The following ARHGEF12 variants were observed in gnomAD, a reference collection of about 807,000 sequenced individuals.
ARHGEF12 encodes the protein KMT2A/ARHGEF12 fusion protein.
A neutral mutation model predicts 211.2 loss-of-function variants in ARHGEF12; 66 were observed. That is an observed-to-expected ratio of 0.31 (90% CI 0.26 to 0.38). The LOEUF is 0.38. ARHGEF12 is among the 10% of genes least tolerant of loss of function. The pLI, the probability that ARHGEF12 is intolerant of heterozygous loss-of-function variation, is 1.00. For missense variants in ARHGEF12, 1,429 were observed against 1,869.5 expected, an observed-to-expected ratio of 0.76 and a Z score of 4.34; for synonymous variants, 592 against 638.4, an observed-to-expected ratio of 0.93 and a Z score of 1.09.
chr11:120,438,761 C>T (rs542244699), intron 12 of ARHGEF12: 9 of 152,258 alleles, frequency 5.9e-5, no homozygotes, highest in African/African-American at 1.7e-4. Context: ...CTATTTCTTC[C>T]AAAATTTTTA....
At chr11:120,409,478 G>A (rs1944817618) in intron 4 of ARHGEF12, 28 bp downstream of exon 4, 2 of 1,607,868 alleles carry the variant, frequency 1.2e-6, no homozygotes, top group Non-Finnish European at 1.7e-6. Context: ...ATTCAGCCTT[G>A]CCCTTTGGAG....
intron 1 of ARHGEF12, among the ~76,000 whole-genome samples, chr11:120,384,815 T>C (rs535163539): frequency 1.3e-5 from 2 of 152,252 alleles, no homozygotes; most frequent in Admixed American, 1.3e-4. Context: ...AATCTGTTTC[T>C]CCTCTACTCC....
intron 27 of ARHGEF12, chr11:120,463,805 G>T (rs1314943336): frequency 6.6e-6 from 1 of 152,074 alleles, no homozygotes; most frequent in African/African-American, 2.4e-5. Flanking sequence ...CTACAGGCGG[G>T]CTTTTTACAA....
At chr11:120,458,304 G>C in intron 25 of ARHGEF12, 70 bp downstream of exon 25, 1 of 1,570,952 alleles carries the variant, frequency 6.4e-7, no homozygotes, top group East Asian at 2.3e-5. Flanking sequence ...AAGTCTCTCA[G>C]CCTTGGAGTT....
intron 36 of ARHGEF12, 138 bp from the exon 37 acceptor site, chr11:120,478,018 G>C: frequency 1.6e-6 from 1 of 641,028 alleles, no homozygotes. Flanking sequence ...TGTTCTAAGT[G>C]ATGTGTATTT....
intron 3 of ARHGEF12, chr11:120,408,642 A>G (rs1460979196): frequency 6.6e-6 from 1 of 152,094 alleles, no homozygotes; most frequent in African/African-American, 2.4e-5. Flanking sequence ...ACTTAGAAAT[A>G]TAATTTTAAA....
In ARHGEF12 at chr11:120,446,993, T is replaced by A. The variant is rs1302579265; in HGVS notation, c.1497T>A (p.Thr499=). The A allele has an allele frequency of 1.2e-6, 2 of 1,614,066 alleles. No homozygotes were observed. Among genetic ancestry groups the A allele is most frequent in the African/African-American group, 1.3e-5 (1 of 74,934 alleles). The change falls in exon 18 of 41, where the codon ACT becomes ACA. Residue 499 remains threonine (T), a synonymous_variant. Coordinates refer to ENST00000397843, the MANE Select transcript of ARHGEF12 (RefSeq NM_015313.3). ...TGACCTTGGCTGAAAGCGAGCTGACTAAACTTGATGCAGAGCGAGACAAGG... is the reference window on the plus strand; with the variant it reads ...TGACCTTGGCTGAAAGCGAGCTGACAAAACTTGATGCAGAGCGAGACAAGG... The part of the protein sequence containing the change: ...MGLTLAESEL[T]KLDAERDKDR...
intron 32 of ARHGEF12, 96 bp from the exon 33 acceptor site, chr11:120,475,244 A>T: frequency 8.4e-7 from 1 of 1,187,686 alleles, no homozygotes; most frequent in Non-Finnish European, 1.2e-6. Flanking sequence ...TTGTAGCTTT[A>T]ACAGAAATAG....
chr11:120,477,604 C>T, intron 36 of ARHGEF12, 78 bp downstream of exon 36: 3 of 1,368,526 alleles, frequency 2.2e-6, no homozygotes, highest in Admixed American at 3.7e-5. Flanking sequence ...GTGGCTCATG[C>T]CTGTAATCCC....
intron 11 of ARHGEF12, among the ~76,000 whole-genome samples, chr11:120,436,037 T>G (rs1239599277): frequency 6.6e-6 from 1 of 152,246 alleles, no homozygotes; most frequent in Non-Finnish European, 1.5e-5. Flanking sequence ...CTCTTGATTC[T>G]TTTCAGAAGA....
intron 6 of ARHGEF12, among the ~76,000 whole-genome samples, chr11:120,423,578 C>T (rs1416088319): frequency 2.6e-5 from 4 of 151,164 alleles, no homozygotes; most frequent in Non-Finnish European, 4.4e-5. Flanking sequence ...AGATAGCTGC[C>T]GTACAGTGAA....
At position 120,454,629 on chromosome 11, in the gene ARHGEF12, A is replaced by G. The variant is rs570804958; in HGVS notation, c.2057-2489A>G. Among the ~76,000 whole-genome samples the G allele has an allele frequency of 2.0e-5, 3 of 152,120 alleles. No homozygotes were observed. In the East Asian group the frequency reaches 5.8e-4, roughly 29 times the overall value. On this transcript the variant is annotated intron_variant, in intron 22 of 40. Coordinates refer to ENST00000397843, the MANE Select transcript of ARHGEF12 (RefSeq NM_015313.3). ...GTGGGTCTCGGTTGGAGTCTGTCATAAAGTTGCAGTCAAGATATTAGCCAG... is the reference window on the plus strand; with the variant it reads ...GTGGGTCTCGGTTGGAGTCTGTCATGAAGTTGCAGTCAAGATATTAGCCAG...
chr11:120,344,832 A>C (rs543188874), intron 1 of ARHGEF12, among the ~76,000 whole-genome samples: 1 of 152,338 alleles, frequency 6.6e-6, no homozygotes, highest in South Asian at 2.1e-4. Flanking sequence ...CTATGTTCAG[A>C]TATTGCTCTC....
At chr11:120,452,686 T>G (rs1946247185) in intron 22 of ARHGEF12, among the ~76,000 whole-genome samples, 4 of 152,268 alleles carry the variant, frequency 2.6e-5, no homozygotes, top group Admixed American at 2.6e-4. Flanking sequence ...AGAGCCTCAG[T>G]GGAGCAAGAG....
At position 120,460,661 on chromosome 11, in the gene ARHGEF12, T is replaced by C; in HGVS notation, c.2528-11T>C. 16 of 1,609,826 alleles carry C rather than the reference T, an allele frequency of 9.9e-6. No individual in the cohort carries two copies. The highest frequency in any genetic ancestry group is 1.4e-5 in the Non-Finnish European group (16 of 1,176,876). On this transcript the variant is annotated splice_polypyrimidine_tract_variant and intron_variant, in intron 26 of 40. Transcript: ENST00000397843. ...TGTGTTACTAACGTTTTTCTATCTT[T>C]TTATCTTTAGTTGGATTGAATGAAC...
chr11:120,429,915 T>A, intron 10 of ARHGEF12, 84 bp downstream of exon 10: 1 of 1,456,802 alleles, frequency 6.9e-7, no homozygotes, highest in Non-Finnish European at 9.2e-7. Context: ...TGCAGTTGCC[T>A]TTTTTAAAGT....
At chr11:120,469,096 T>G (rs1004017522) in intron 29 of ARHGEF12, among the ~76,000 whole-genome samples, 192 bp from the exon 30 acceptor site, 3 of 152,238 alleles carry the variant, frequency 2.0e-5, no homozygotes, top group Non-Finnish European at 4.4e-5. Flanking sequence ...TTTAAAGTCC[T>G]GTTATAAGAA....
chr11:120,420,961 G>C (rs1945167171), intron 5 of ARHGEF12, 110 bp downstream of exon 5: 1 of 902,182 alleles, frequency 1.1e-6, no homozygotes, highest in African/African-American at 1.6e-5. Context: ...TGCAGGTCAT[G>C]TGGACTATTG....
intron 1 of ARHGEF12, among the ~76,000 whole-genome samples, chr11:120,347,248 C>T (rs931900617): frequency 4.6e-5 from 5 of 108,376 alleles, no homozygotes; most frequent in Middle Eastern, 4.1e-3. Context: ...CTCTCTGTTT[C>T]TCTCTCTCTC....
Sources: allele counts gnomAD v4.1 joint callset (sites outside exome capture counted in the v4.1 genomes callset), GRCh38; gene constraint gnomAD v4.1.1; transcripts MANE v1.5; gene names NCBI Gene and HGNC (gene_info 2026-07-23, HGNC 2026-07-21).